The following PHKB variants were observed in gnomAD, a reference collection of about 807,000 sequenced individuals.
PHKB encodes the protein phosphorylase kinase regulatory subunit beta, also known as phosphorylase b kinase regulatory subunit beta.
PHKB carries 122 observed loss-of-function variants against 152.1 expected under a neutral mutation model. The observed-to-expected ratio is 0.80, with a 90% CI of 0.69 to 0.93. The LOEUF is 0.93. Ranked by LOEUF, PHKB falls within the 40% of genes least tolerant of loss-of-function variation. PHKB has a pLI of 0.00. For missense variants in PHKB, 1,304 were observed against 1,328.4 expected, an observed-to-expected ratio of 0.98 and a Z score of 0.29; for synonymous variants, 436 against 464.9, an observed-to-expected ratio of 0.94 and a Z score of 0.80.
rs1203005300 is a variant in PHKB, at chr16:47,699,689, GC to G, written c.*324del. 5.5e-6 allele frequency: 2 copies of G among 366,022 alleles called. No individual in the cohort carries two copies. Among genetic ancestry groups the G allele is most frequent in the Non-Finnish European group, 1.0e-5 (2 of 192,226 alleles). 22.7% of individuals were successfully genotyped at this position (366,022 alleles called of 1,614,324 possible). A position where few individuals can be genotyped will look rare whatever the true frequency, so the allele number is the denominator to read the frequency against. On this transcript the variant is annotated 3_prime_UTR_variant, in exon 31 of 31. Coordinates refer to ENST00000323584, the MANE Select transcript of PHKB (RefSeq NM_000293.3). ...AAATAGTTCATCAAAATGAATCTTT[GC>G]TCTTTGGACTGAATTCTTACCATAC...
chr16:47,633,083 TC>T, intron 14 of PHKB, among the ~76,000 whole-genome samples: 1 of 152,308 alleles, frequency 6.6e-6, no homozygotes, highest in East Asian at 1.9e-4. Context: ...AAAAATACAA[TC>T]TGACTTTATA....
intron 7 of PHKB, chr16:47,565,852 G>A (rs1354981821): frequency 7.8e-6 from 10 of 1,283,506 alleles, no homozygotes; most frequent in Non-Finnish European, 1.1e-5. Context: ...TGACTGGACT[G>A]GGAGGTACTA....
chr16:47,696,461 G>C lies in PHKB; in HGVS notation c.2976G>C (p.Gln992His). The C allele has an allele frequency of 6.3e-7, 1 of 1,598,658 alleles. No homozygotes were observed. The highest frequency in any genetic ancestry group is 8.6e-7 in the Non-Finnish European group (1 of 1,165,940). ...AAGACACGTTGGGAAATATTGACCA[G>C]CCACAGTACAGACAGATCGTTGTAG... Reference protein sequence around the residue: ...LVEDTLGNIDQPQYRQIVVEL... With the variant: ...LVEDTLGNIDHPQYRQIVVEL... Residue 992 changes from glutamine to histidine, a missense_variant, in exon 29 of 31, where the codon CAG becomes CAC. Transcript: ENST00000323584.
chr16:47,565,651 C>G, intron 7 of PHKB: 1 of 1,181,550 alleles, frequency 8.5e-7, no homozygotes. Flanking sequence ...GACTCACTTC[C>G]TGTCCTCGAC....
chr16:47,605,039 T>C (rs552883107), intron 13 of PHKB, among the ~76,000 whole-genome samples: 73 of 152,338 alleles, frequency 4.8e-4, no homozygotes, highest in African/African-American at 1.5e-3. Context: ...TTTTGCCTCC[T>C]GAATGATAAA....
At position 47,498,154 on chromosome 16, in the gene PHKB, GATTTTTTGGTCT is replaced by G. The variant is rs1002193828; in HGVS notation, c.166+671_166+682del. On this transcript the variant is annotated intron_variant, in intron 2 of 30. Coordinates refer to ENST00000323584, the MANE Select transcript of PHKB (RefSeq NM_000293.3). ...TGATTTCTCTCCCCCTAAGATGATG[GATTTTTTGGTCT>G]ATTTCAACTTCATATGAAACTTCAA... 3.9e-5 allele frequency among the ~76,000 whole-genome samples: 6 copies of G among 152,072 alleles called. No homozygotes were observed. In the East Asian group the frequency reaches 1.2e-3, roughly 29 times the overall value.
chr16:47,515,712 A>G, intron 6 of PHKB, 111 bp downstream of exon 6: 1 of 683,710 alleles, frequency 1.5e-6, no homozygotes, highest in Non-Finnish European at 2.6e-6. Flanking sequence ...TTCCTGTTAC[A>G]TTTATATAAT....
intron 16 of PHKB, among the ~76,000 whole-genome samples, chr16:47,645,571 A>G (rs1271283541): frequency 2.1e-5 from 3 of 144,436 alleles, no homozygotes; most frequent in Non-Finnish European, 3.0e-5. Flanking sequence ...CCATTGATCT[A>G]TATCTCTGTT....
rs201607512 is a variant in PHKB at position 47,649,138 on chromosome 16, G to A, written c.1731G>A (p.Pro577=). Residue 577 remains proline (P), a synonymous_variant, in exon 18 of 31, where the codon CCG becomes CCA. Coordinates refer to ENST00000323584, the MANE Select transcript of PHKB (RefSeq NM_000293.3). The part of the protein sequence containing the change: ...RILGKTVVCY[P]IIFDLSDFYM... ...TAGGAAAGACTGTGGTTTGTTACCC[G>A]ATTATTTTCGACCTAAGTGATTTCT... 1.4e-5 allele frequency: 22 copies of A among 1,609,992 alleles called. No individual in the cohort carries two copies. Among genetic ancestry groups the A allele is most frequent in the South Asian group, 3.3e-5 (3 of 90,996 alleles).
intron 20 of PHKB, among the ~76,000 whole-genome samples, chr16:47,659,925 G>A (rs1040524468): frequency 6.6e-6 from 1 of 152,158 alleles, no homozygotes; most frequent in African/African-American, 2.4e-5. Context: ...GTACAGTGGT[G>A]CAATCTTGGC....
intron 14 of PHKB, among the ~76,000 whole-genome samples, chr16:47,617,010 A>G (rs1972530985): frequency 6.6e-6 from 1 of 151,852 alleles, no homozygotes; most frequent in African/African-American, 2.4e-5. Context: ...TGGGTGGGCC[A>G]GGTGTTCCTT....
intron 7 of PHKB, among the ~76,000 whole-genome samples, chr16:47,550,008 A>G (rs1359858081): frequency 6.6e-6 from 1 of 152,142 alleles, no homozygotes; most frequent in African/African-American, 2.4e-5. Flanking sequence ...GATGGGTTTT[A>G]TACTTTATTT....
At chr16:47,586,414 C>A (rs1971935646) in intron 8 of PHKB, among the ~76,000 whole-genome samples, 1 of 152,174 alleles carries the variant, frequency 6.6e-6, no homozygotes, top group Non-Finnish European at 1.5e-5. Context: ...TGAGAGACAG[C>A]CTCACCGAAT....
chr16:47,508,087 A>G (rs1391844301), intron 4 of PHKB, among the ~76,000 whole-genome samples: 1 of 152,216 alleles, frequency 6.6e-6, no homozygotes, highest in African/African-American at 2.4e-5. Context: ...TTGATTTCTC[A>G]TCATAAAACA....
At chr16:47,555,225 T>C (rs1971347690) in intron 7 of PHKB, among the ~76,000 whole-genome samples, 2 of 152,246 alleles carry the variant, frequency 1.3e-5, no homozygotes, top group South Asian at 2.1e-4. Context: ...ACCATTCTGC[T>C]TCATTTTATG....
At chr16:47,658,295 T>C (rs1973374968) in intron 20 of PHKB, among the ~76,000 whole-genome samples, 1 of 152,128 alleles carries the variant, frequency 6.6e-6, no homozygotes. Flanking sequence ...AGTCCTTTCT[T>C]CAGTTTCTGA....
At chr16:47,583,755 T>C (rs1971888882) in intron 8 of PHKB, among the ~76,000 whole-genome samples, 1 of 152,118 alleles carries the variant, frequency 6.6e-6, no homozygotes, top group African/African-American at 2.4e-5. Flanking sequence ...GATCAATTTG[T>C]TGGTATGGGA....
At chr16:47,568,948 C>A (rs1404314116) in intron 7 of PHKB, among the ~76,000 whole-genome samples, 1 of 152,110 alleles carries the variant, frequency 6.6e-6, no homozygotes, top group Non-Finnish European at 1.5e-5. Context: ...GTTATATGGT[C>A]TATCTTGGAA....
intron 13 of PHKB, among the ~76,000 whole-genome samples, chr16:47,598,320 T>A (rs1345295990): frequency 6.6e-6 from 1 of 152,192 alleles, no homozygotes; most frequent in East Asian, 1.9e-4. Context: ...AATTAAATGA[T>A]GTATTGAACA....
Sources: allele counts gnomAD v4.1 joint callset (sites outside exome capture counted in the v4.1 genomes callset), GRCh38; gene constraint gnomAD v4.1.1; transcripts MANE v1.5; gene names NCBI Gene and HGNC (gene_info 2026-07-23, HGNC 2026-07-21).